AAK1: variants seen among roughly 807,000 people sequenced by gnomAD.
AAK1 encodes the protein AP2 associated kinase 1.
A neutral mutation model predicts 116.0 loss-of-function variants in AAK1; 37 were observed. The ratio of observed to expected loss-of-function variants is 0.32; its 90% CI spans 0.25 to 0.42. AAK1 has a LOEUF of 0.42. AAK1 is among the 10% of genes least tolerant of loss of function. AAK1 has a pLI of 1.00. For synonymous variants in AAK1, 458 were observed against 439.9 expected, an observed-to-expected ratio of 1.04 and a Z score of -0.51; for missense variants, 919 against 1,170.6, an observed-to-expected ratio of 0.79 and a Z score of 3.14.
At chr2:69,519,762 A>G (rs1669679778) in intron 11 of AAK1, among the ~76,000 whole-genome samples, 1 of 152,268 alleles carries the variant, frequency 6.6e-6, no homozygotes, top group Non-Finnish European at 1.5e-5. Flanking sequence ...TTATTTCATT[A>G]GAAACAGAAT....
chr2:69,632,659 G>A (rs1001871796), intron 2 of AAK1, among the ~76,000 whole-genome samples: 16 of 152,214 alleles, frequency 1.1e-4, no homozygotes, highest in African/African-American at 3.4e-4. Flanking sequence ...AACACTTTGG[G>A]AGACCAAGGC....
At chr2:69,542,489 T>A (rs199654090) in intron 5 of AAK1, 34 bp downstream of exon 5, 19 of 1,612,244 alleles carry the variant, frequency 1.2e-5, no homozygotes, top group African/African-American at 9.3e-5. Context: ...AAATATTGAG[T>A]AGAATGCCCG....
At chr2:69,592,365 C>A (rs1673070833) in intron 2 of AAK1, among the ~76,000 whole-genome samples, 2 of 152,162 alleles carry the variant, frequency 1.3e-5, no homozygotes, top group Non-Finnish European at 2.9e-5. Context: ...ACAAGGGGTG[C>A]TGCTGGCATC....
chr2:69,505,516 A>G, intron 16 of AAK1, 53 bp downstream of exon 16: 1 of 1,442,008 alleles, frequency 6.9e-7, no homozygotes, highest in Non-Finnish European at 9.7e-7. Context: ...AGTAAAAAAC[A>G]GTGTGAAGGT....
intron 17 of AAK1, among the ~76,000 whole-genome samples, chr2:69,486,679 A>G (rs1295386386): frequency 6.6e-6 from 1 of 152,154 alleles, no homozygotes; most frequent in Non-Finnish European, 1.5e-5. Flanking sequence ...AGAGCTTAAT[A>G]TCAAATATTT....
intron 2 of AAK1, among the ~76,000 whole-genome samples, chr2:69,605,797 C>G (rs1315176618): frequency 2.6e-5 from 4 of 152,184 alleles, no homozygotes; most frequent in Admixed American, 2.6e-4. Context: ...ATCCTCCGCT[C>G]CTACCTTCCC....
At chr2:69,562,702 T>C (rs568599240) in intron 2 of AAK1, among the ~76,000 whole-genome samples, 13 of 152,154 alleles carry the variant, frequency 8.5e-5, no homozygotes, top group East Asian at 1.9e-4. Context: ...CCATCCTGGC[T>C]AACACGATGA....
At chr2:69,578,148 G>A (rs1672390701) in intron 2 of AAK1, among the ~76,000 whole-genome samples, 1 of 152,168 alleles carries the variant, frequency 6.6e-6, no homozygotes, top group Non-Finnish European at 1.5e-5. Context: ...GTGAAAAATG[G>A]TTAGCATTAG....
In AAK1 at chr2:69,474,833, T is replaced by C; in HGVS notation, c.*1036A>G. 1.0e-6 allele frequency: 1 copy of C among 985,852 alleles called. No individual in the cohort carries two copies. The highest frequency in any genetic ancestry group is 1.2e-6 in the Non-Finnish European group (1 of 829,930). The allele number at this position is 985,852 out of a possible 1,614,324, so 61.1% of individuals were successfully genotyped here. On this transcript the variant is annotated 3_prime_UTR_variant, in exon 22 of 22. Transcript: ENST00000409085. ...ATCAAAACCCTGTACAGACACCTGATATCAGACTTGAAATGCCAAGTGGAA... is the reference window on the plus strand; with the variant it reads ...ATCAAAACCCTGTACAGACACCTGACATCAGACTTGAAATGCCAAGTGGAA...
rs1670256431 is a variant in AAK1 at position 69,531,548 on chromosome 2, T to C, written c.656+493A>G. The C allele has an allele frequency of 3.1e-6, 3 of 982,622 alleles. No individual in the cohort carries two copies. In the African/African-American group the frequency reaches 5.2e-5, roughly 17 times the overall value. The allele number at this position is 982,622 out of a possible 1,614,324, so 60.9% of individuals were successfully genotyped here. ...GAGTCACAAATCTAAAGAAGCTTTT[T>C]ATCATGAAAGTCTGTGATTCAGTAT... On this transcript the variant is annotated intron_variant, in intron 6 of 21. Transcript: ENST00000409085.
chr2:69,519,368 AC>A, intron 11 of AAK1, 128 bp from the exon 12 acceptor site: 1 of 1,293,106 alleles, frequency 7.7e-7, no homozygotes, highest in African/African-American at 1.5e-5. Flanking sequence ...TGTCCTCCTC[AC>A]TGTCTTTCCA....
intron 13 of AAK1, among the ~76,000 whole-genome samples, chr2:69,512,078 T>C (rs1676415938): frequency 6.6e-6 from 1 of 152,232 alleles, no homozygotes; most frequent in South Asian, 2.1e-4. Context: ...CTCCTGACTG[T>C]GGCTCAGGAC....
chr2:69,560,289 G>A (rs138586266), intron 2 of AAK1, among the ~76,000 whole-genome samples: 3 of 152,332 alleles, frequency 2.0e-5, no homozygotes, highest in Non-Finnish European at 4.4e-5. Context: ...TCTGTCACAC[G>A]GATCAGGGTG....
intron 2 of AAK1, among the ~76,000 whole-genome samples, chr2:69,623,962 C>T (rs1674784661): frequency 2.6e-5 from 4 of 151,622 alleles, no homozygotes; most frequent in African/African-American, 9.7e-5. Context: ...GTGCCCTAAC[C>T]GGAATATAAG....
intron 16 of AAK1, among the ~76,000 whole-genome samples, chr2:69,500,694 TATATAC>T (rs1380654061): frequency 2.5e-4 from 27 of 110,072 alleles, no homozygotes; most frequent in African/African-American, 4.9e-4. Context: ...TATATATATA[TATATAC>T]ACACACACAC....
intron 2 of AAK1, among the ~76,000 whole-genome samples, chr2:69,630,110 T>G (rs1675097831): frequency 6.6e-6 from 1 of 151,966 alleles, no homozygotes; most frequent in South Asian, 2.1e-4. Flanking sequence ...CCTGCGGCAT[T>G]AGCACACAAG....
intron 17 of AAK1, among the ~76,000 whole-genome samples, chr2:69,486,542 CTA>C (rs1392600875): frequency 3.3e-5 from 5 of 152,116 alleles, no homozygotes; most frequent in African/African-American, 9.7e-5. Flanking sequence ...CAGGCCATGT[CTA>C]TGTAAGGTGG....
At chr2:69,572,028 A>G (rs764582771) in intron 2 of AAK1, among the ~76,000 whole-genome samples, 1 of 152,230 alleles carries the variant, frequency 6.6e-6, no homozygotes, top group African/African-American at 2.4e-5. Flanking sequence ...GCCCAGCCAC[A>G]GACAAACCTG....
rs77562318 is a variant in AAK1 at position 69,585,615 on chromosome 2, C to T, written c.164-28637G>A. 8.9e-3 allele frequency among the ~76,000 whole-genome samples: 1,348 copies of T among 152,258 alleles called. 20 individuals are homozygous for T. The highest frequency in any genetic ancestry group is 0.031 in the African/African-American group (1,269 of 41,528). On this transcript the variant is annotated intron_variant, in intron 2 of 21. Transcript: ENST00000409085. ...TGTCCAAAGTCCTGTATCTCTCCTG[C>T]ATCGTTAAAGGCAGCCTTGAGTTCT...
Sources: allele counts gnomAD v4.1 joint callset (sites outside exome capture counted in the v4.1 genomes callset), GRCh38; gene constraint gnomAD v4.1.1; transcripts MANE v1.5; gene names NCBI Gene and HGNC (gene_info 2026-07-23, HGNC 2026-07-21).